Variants in NUDT7 observed in about 807,000 individuals in gnomAD.
NUDT7 encodes the protein peroxisomal coenzyme A diphosphatase NUDT7.
NUDT7 carries 19 observed loss-of-function variants against 13.1 expected under a neutral mutation model. The ratio of observed to expected loss-of-function variants is 1.45; its 90% CI spans 1.01 to 2.13. The LOEUF is 2.13. Among genes scored for constraint, NUDT7 ranks in the 30% most tolerant of loss-of-function variants. NUDT7 has a pLI of 0.00. For synonymous variants in NUDT7, 132 were observed against 109.7 expected (o/e 1.20, Z -1.27); for missense variants, 360 against 291.7 (o/e 1.23, Z -1.71).
At chr16:77,725,298 A>G in intron 1 of NUDT7, 133 bp from the exon 2 acceptor site, 2 of 725,586 alleles carry the variant, frequency 2.8e-6, no homozygotes, top group Non-Finnish European at 4.4e-6. Context: ...CTGTCGTGTT[A>G]TTGAAAAATA....
intron 2 of NUDT7, among the ~76,000 whole-genome samples, chr16:77,726,034 G>A (rs1046522853): frequency 1.3e-5 from 2 of 152,222 alleles, no homozygotes; most frequent in East Asian, 3.9e-4. Context: ...TACTATCCTG[G>A]CAGGATTGGG....
intron 1 of NUDT7, among the ~76,000 whole-genome samples, chr16:77,724,540 G>C (rs1160043285): frequency 6.6e-6 from 1 of 152,048 alleles, no homozygotes; most frequent in African/African-American, 2.4e-5. Context: ...CCCAGTGTTG[G>C]GATTACAGGC....
intron 3 of NUDT7, among the ~76,000 whole-genome samples, chr16:77,740,475 G>T (rs1196325697): frequency 6.6e-6 from 1 of 152,082 alleles, no homozygotes; most frequent in East Asian, 1.9e-4. Context: ...CTCCCTCTCA[G>T]GGTTTCCAGT....
intron 3 of NUDT7, among the ~76,000 whole-genome samples, chr16:77,739,752 C>T (rs537556449): frequency 1.3e-5 from 2 of 152,262 alleles, no homozygotes; most frequent in East Asian, 3.9e-4. Flanking sequence ...ATACTGGTAC[C>T]CTTGATACTG....
chr16:77,741,484 G>T, intron 3 of NUDT7, 98 bp from the exon 4 acceptor site: 1 of 1,259,982 alleles, frequency 7.9e-7, no homozygotes, highest in Non-Finnish European at 1.1e-6. Context: ...TCCCAGGTTC[G>T]GTGTATTTTC....
chr16:77,740,348 T>G (rs1442594342), intron 3 of NUDT7, among the ~76,000 whole-genome samples: 1 of 152,254 alleles, frequency 6.6e-6, no homozygotes, highest in Non-Finnish European at 1.5e-5. Context: ...TGTCTACCTC[T>G]CTGGCTTTTT....
At chr16:77,723,135 A>G (rs1410836209) in intron 1 of NUDT7, among the ~76,000 whole-genome samples, 1 of 141,972 alleles carries the variant, frequency 7.0e-6, no homozygotes, top group Non-Finnish European at 1.5e-5. Context: ...CTTGGTGATT[A>G]TTCCAGCGGC....
chr16:77,738,644 A>G lies in NUDT7; in HGVS notation c.348+2658A>G, dbSNP rs374467480. On this transcript the variant is annotated intron_variant, in intron 3 of 3. Transcript: ENST00000268533. The stretch of plus-strand genomic sequence containing the variant: ...AGTGATCTCGAGTCCCAGTGATCTC[A>G]GCTCACTGCAACCTCCACCTCCCAA... Among the ~76,000 whole-genome samples the G allele has an allele frequency of 1.2e-3, 175 of 152,140 alleles. 2 individuals are homozygous for G. The highest frequency in any genetic ancestry group is 4.0e-3 in the African/African-American group (166 of 41,510).
At chr16:77,723,617 G>C (rs955690415) in intron 1 of NUDT7, among the ~76,000 whole-genome samples, 2 of 126,028 alleles carry the variant, frequency 1.6e-5, no homozygotes, top group Non-Finnish European at 3.1e-5. Flanking sequence ...TTTTGAGACA[G>C]AGTCTCACTC....
intron 2 of NUDT7, among the ~76,000 whole-genome samples, chr16:77,734,879 T>C (rs1239813211): frequency 3.3e-5 from 5 of 152,112 alleles, no homozygotes; most frequent in Non-Finnish European, 7.4e-5. Context: ...TGGGGTTTCC[T>C]TCTGGGATGA....
intron 2 of NUDT7, 24 bp downstream of exon 2, chr16:77,725,608 C>T (rs777576340): frequency 1.3e-4 from 215 of 1,609,392 alleles, no homozygotes; most frequent in Non-Finnish European, 1.6e-4. Flanking sequence ...AAATTTCCTG[C>T]CCTTAAACCT....
At chr16:77,739,039 A>G (rs2014576370) in intron 3 of NUDT7, among the ~76,000 whole-genome samples, 1 of 152,218 alleles carries the variant, frequency 6.6e-6, no homozygotes, top group African/African-American at 2.4e-5. Flanking sequence ...CAATGGTAGC[A>G]GCAACCACGA....
intron 1 of NUDT7, among the ~76,000 whole-genome samples, 167 bp downstream of exon 1, chr16:77,722,784 G>A (rs1423571738): frequency 6.6e-6 from 1 of 152,186 alleles, no homozygotes; most frequent in Non-Finnish European, 1.5e-5. Context: ...CAGGGTCCCC[G>A]AACCTTTGCA....
rs145759312 is a variant in NUDT7 at position 77,725,518 on chromosome 16, C to A, written c.123C>A (p.Ser41=). 1 of 1,614,020 alleles carries A rather than the reference C, an allele frequency of 6.2e-7. No individual in the cohort carries two copies. Among genetic ancestry groups the A allele is most frequent in the East Asian group, 2.2e-5 (1 of 44,868 alleles). The change falls in exon 2 of 4, where the codon TCC becomes TCA. Residue 41 remains serine, a synonymous_variant. Coordinates refer to ENST00000268533, the MANE Select transcript of NUDT7 (RefSeq NM_001105663.3). ...CTCACTTGCCATATAACAAATACTCCGTCCTTTTGCCATTGGTGGCTAAAG... is the reference window on the plus strand; with the variant it reads ...CTCACTTGCCATATAACAAATACTCAGTCCTTTTGCCATTGGTGGCTAAAG... ...KYSHLPYNKY[S]VLLPLVAKEG...
chr16:77,738,890 C>G (rs1046205950), intron 3 of NUDT7, among the ~76,000 whole-genome samples: 10 of 152,230 alleles, frequency 6.6e-5, no homozygotes, highest in African/African-American at 2.4e-4. Flanking sequence ...CAGTTTCTGC[C>G]AAGTATCAGC....
chr16:77,738,360 G>A (rs1012305263), intron 3 of NUDT7, among the ~76,000 whole-genome samples: 3 of 152,186 alleles, frequency 2.0e-5, no homozygotes, highest in Non-Finnish European at 4.4e-5. Flanking sequence ...TGGAACAGGA[G>A]ATTTCTAAAA....
chr16:77,736,107 C>T, intron 3 of NUDT7, 121 bp downstream of exon 3: 1 of 944,038 alleles, frequency 1.1e-6, no homozygotes, highest in African/African-American at 1.6e-5. Flanking sequence ...GTCAAGAGAA[C>T]AGGTTCTCCT....
rs113961090 is a variant in NUDT7, at chr16:77,741,455, A to G, written c.349-127A>G. The G allele has an allele frequency of 2.2e-4, 209 of 959,420 alleles. 1 individual carries two copies. The African/African-American group carries it at 2.9e-3, about 13-fold the overall frequency. The allele number at this position is 959,420 out of a possible 1,614,324, so 59.4% of individuals were successfully genotyped here. A position where few individuals can be genotyped will look rare whatever the true frequency, so the allele number is the denominator to read the frequency against. On this transcript the variant is annotated intron_variant, in intron 3 of 3. Coordinates refer to ENST00000268533, the MANE Select transcript of NUDT7 (RefSeq NM_001105663.3). ...GGGGGAACATAAATTTGTTTCCGGA[A>G]TAAGCTTTCTTCCCCTTCTCCCAGG...
intron 1 of NUDT7, among the ~76,000 whole-genome samples, chr16:77,723,149 C>G (rs1293005299): frequency 6.6e-6 from 1 of 152,206 alleles, no homozygotes; most frequent in Non-Finnish European, 1.5e-5. Flanking sequence ...CAGCGGCCAG[C>G]CCCTAAAGTG....
Sources: allele counts gnomAD v4.1 joint callset (sites outside exome capture counted in the v4.1 genomes callset), GRCh38; gene constraint gnomAD v4.1.1; transcripts MANE v1.5; gene names NCBI Gene and HGNC (gene_info 2026-07-23, HGNC 2026-07-21).